The following DDAH1 variants were observed in gnomAD, a reference collection of about 807,000 sequenced individuals.
The protein encoded by DDAH1 is N(G),N(G)-dimethylarginine dimethylaminohydrolase 1.
DDAH1 carries 19 observed loss-of-function variants against 28.8 expected under a neutral mutation model. That is an observed-to-expected ratio of 0.66 (90% confidence interval 0.46 to 0.97). The LOEUF is 0.97. Among genes scored for constraint, DDAH1 ranks in the 50% least tolerant of loss-of-function variants. DDAH1 has a pLI of 0.00. For synonymous variants in DDAH1, 153 were observed against 154.4 expected, an observed-to-expected ratio of 0.99 and a Z score of 0.07; for missense variants, 326 against 375.9, an observed-to-expected ratio of 0.87 and a Z score of 1.10.
chr1:85,404,618 C>G (rs1197571981), intron 1 of DDAH1: 1 of 1,032,940 alleles, frequency 9.7e-7, no homozygotes, highest in Non-Finnish European at 1.3e-6. Context: ...AAACCGAATC[C>G]AAGAGTTCAA....
chr1:85,378,205 G>A (rs1014488967), intron 1 of DDAH1, among the ~76,000 whole-genome samples: 3 of 152,066 alleles, frequency 2.0e-5, no homozygotes, highest in African/African-American at 7.2e-5. Flanking sequence ...ATTATGAGGA[G>A]GCCATTTTGT....
intron 2 of DDAH1, among the ~76,000 whole-genome samples, chr1:85,493,163 T>A: frequency 6.6e-6 from 1 of 152,212 alleles, no homozygotes; most frequent in Middle Eastern, 3.4e-3. Flanking sequence ...ATAAAAAAAT[T>A]TGTTTTCTTC....
chr1:85,395,672 C>CA lies in DDAH1; in HGVS notation c.304-36826dup, dbSNP rs71075833. Among the ~76,000 whole-genome samples, 32 of 139,526 alleles carry CA rather than the reference C, an allele frequency of 2.3e-4. No homozygotes were observed. In the Middle Eastern group the frequency reaches 0.011, roughly 47 times the overall value. 91.5% of individuals were successfully genotyped at this position (139,526 alleles called of 152,430 possible). A position where few individuals can be genotyped will look rare whatever the true frequency, so the allele number is the denominator to read the frequency against. On this transcript the variant is annotated intron_variant, in intron 1 of 5. Coordinates refer to ENST00000284031, the MANE Select transcript of DDAH1 (RefSeq NM_012137.4). Reference sequence around the variant, plus strand: ...AGGCAACAAGAGTGAGACTCCATCTCAAAAAAAAAAAAAGAAAAAAGAAAA... The same window carrying CA: ...AGGCAACAAGAGTGAGACTCCATCTCAAAAAAAAAAAAAAGAAAAAAGAAAA...
chr1:85,503,481 C>G (rs1390995019), intron 1 of DDAH1, among the ~76,000 whole-genome samples: 1 of 152,170 alleles, frequency 6.6e-6, no homozygotes, highest in Admixed American at 6.5e-5. Context: ...AGAATACAGG[C>G]ATAAGCCACT....
chr1:85,515,215 C>T (rs1248751162), intron 1 of DDAH1, among the ~76,000 whole-genome samples: 1 of 150,578 alleles, frequency 6.6e-6, no homozygotes, highest in Non-Finnish European at 1.5e-5. Flanking sequence ...CATGGTGAAA[C>T]CTTGTCTCTT....
At chr1:85,327,363 C>T (rs1433652095) in intron 4 of DDAH1, among the ~76,000 whole-genome samples, 3 of 152,162 alleles carry the variant, frequency 2.0e-5, no homozygotes, top group African/African-American at 7.2e-5. Flanking sequence ...CTAGACCTAC[C>T]ATATTCTCAC....
chr1:85,577,489 C>T (rs1166376160), intron 1 of DDAH1, among the ~76,000 whole-genome samples: 1 of 152,196 alleles, frequency 6.6e-6, no homozygotes, highest in Non-Finnish European at 1.5e-5. Context: ...CACACACACA[C>T]ACCCCTACTA....
intron 1 of DDAH1, among the ~76,000 whole-genome samples, chr1:85,360,678 G>C (rs1159174834): frequency 6.6e-6 from 1 of 152,188 alleles, no homozygotes; most frequent in Non-Finnish European, 1.5e-5. Context: ...AAGTTTGTAT[G>C]TAACTATGCA....
intron 1 of DDAH1, among the ~76,000 whole-genome samples, chr1:85,463,856 G>T (rs956495406): frequency 6.6e-6 from 1 of 152,186 alleles, no homozygotes; most frequent in Non-Finnish European, 1.5e-5. Flanking sequence ...AAGAATCCCA[G>T]GCCAGATGGC....
chr1:85,394,157 A>G (rs901454785), intron 1 of DDAH1, among the ~76,000 whole-genome samples: 1 of 152,220 alleles, frequency 6.6e-6, no homozygotes, highest in East Asian at 1.9e-4. Context: ...CAATATAACA[A>G]TGTGGGGAGG....
intron 1 of DDAH1, among the ~76,000 whole-genome samples, chr1:85,421,216 T>C (rs186525087): frequency 6.6e-6 from 1 of 152,326 alleles, no homozygotes; most frequent in East Asian, 1.9e-4. Context: ...AACATGAGAC[T>C]TGAATGGGGA....
rs755576999 is a variant in DDAH1 at position 85,464,761 on chromosome 1, C to A, written c.285G>T (p.Ala95=). 96 of 1,552,970 alleles carry A rather than the reference C, an allele frequency of 6.2e-5. No individual in the cohort carries two copies. Among genetic ancestry groups the A allele is most frequent in the Non-Finnish European group, 8.1e-5 (93 of 1,154,830 alleles). ...CAGTTACCTCCTTCCTCCGGCTCGG[C>A]GCCCCGGGTCGGGTGATGAGGGCCG... is the stretch of plus-strand genomic sequence containing the variant. The part of the protein sequence containing the change: ...EETALITRPG[A]PSRRKEVDMM... Residue 95 remains alanine, a synonymous_variant, in exon 1 of 6, where the codon GCG becomes GCT. Coordinates refer to ENST00000284031, the MANE Select transcript of DDAH1 (RefSeq NM_012137.4). The surrounding 1 kb of genome is among the most constrained non-coding windows in gnomAD (Gnocchi z 4.4).
At chr1:85,430,868 T>G (rs1146379) in intron 1 of DDAH1, among the ~76,000 whole-genome samples, 1 of 151,822 alleles carries the variant, frequency 6.6e-6, no homozygotes, top group Non-Finnish European at 1.5e-5. Context: ...CTCTTCCTAT[T>G]TGAATACCCT....
chr1:85,513,417 A>T (rs1183369672), intron 1 of DDAH1, among the ~76,000 whole-genome samples: 2 of 152,184 alleles, frequency 1.3e-5, no homozygotes, highest in African/African-American at 4.8e-5. Context: ...AACCTAGGCA[A>T]TACCATTCAG....
upstream of DDAH1, among the ~76,000 whole-genome samples, chr1:85,469,153 G>C (rs1255158749): frequency 2.0e-5 from 3 of 152,196 alleles, no homozygotes; most frequent in African/African-American, 7.2e-5. Flanking sequence ...CCACGAGCAA[G>C]GGCTGGAAAA....
intron 1 of DDAH1, among the ~76,000 whole-genome samples, chr1:85,406,432 C>G (rs1445736287): frequency 6.6e-6 from 1 of 151,964 alleles, no homozygotes; most frequent in Non-Finnish European, 1.5e-5. Flanking sequence ...AAATAGTAAC[C>G]TCTATGATAA....
chr1:85,403,267 A>G (rs1297994017), intron 1 of DDAH1, among the ~76,000 whole-genome samples: 2 of 151,970 alleles, frequency 1.3e-5, no homozygotes, highest in African/African-American at 4.8e-5. Context: ...GCATGTACAC[A>G]TATATACATA....
At chr1:85,530,081 A>T (rs1307485250) in intron 1 of DDAH1, among the ~76,000 whole-genome samples, 2 of 151,952 alleles carry the variant, frequency 1.3e-5, no homozygotes, top group African/African-American at 4.8e-5. Context: ...GTCTGAAAAA[A>T]ATATTCAGAT....
chr1:85,475,557 T>A (rs1655769348), intron 2 of DDAH1, among the ~76,000 whole-genome samples: 1 of 152,248 alleles, frequency 6.6e-6, no homozygotes, highest in South Asian at 2.1e-4. Context: ...ACATTTTAAA[T>A]AATTCAGGTT....
Sources: allele counts gnomAD v4.1 joint callset (sites outside exome capture counted in the v4.1 genomes callset), GRCh38; gene constraint gnomAD v4.1.1; non-coding constraint Gnocchi (gnomAD v3.1); transcripts MANE v1.5; gene names NCBI Gene and HGNC (gene_info 2026-07-23, HGNC 2026-07-21).